The following CMTM2 variants were observed in gnomAD, a reference collection of about 807,000 sequenced individuals.
The protein encoded by CMTM2 is CKLF like MARVEL transmembrane domain containing 2, also known as CKLF-like MARVEL transmembrane domain-containing protein 2.
A neutral mutation model predicts 16.8 loss-of-function variants in CMTM2; 15 were observed. The observed-to-expected ratio is 0.89, with a 90% CI of 0.60 to 1.37. CMTM2 has a LOEUF of 1.37. CMTM2 is among the 40% of genes most tolerant of loss of function. The pLI is 0.00. For synonymous variants in CMTM2, 117 were observed against 118.7 expected, an observed-to-expected ratio of 0.99 and a Z score of 0.09; for missense variants, 282 against 318.0, an observed-to-expected ratio of 0.89 and a Z score of 0.86.
intron 2 of CMTM2, among the ~76,000 whole-genome samples, chr16:66,585,686 T>A (rs371043626): frequency 2.0e-5 from 3 of 152,226 alleles, no homozygotes; most frequent in African/African-American, 7.2e-5. Flanking sequence ...GACTTCTTGT[T>A]TTCAAAGAGG....
At chr16:66,585,193 G>T (rs1269925191) in intron 2 of CMTM2, among the ~76,000 whole-genome samples, 2 of 152,146 alleles carry the variant, frequency 1.3e-5, no homozygotes, top group Non-Finnish European at 2.9e-5. Context: ...TGATCCGCCC[G>T]CCTCAGCCTC....
intron 3 of CMTM2, 83 bp from the exon 4 acceptor site, chr16:66,587,836 C>T (rs947105421): frequency 1.5e-6 from 2 of 1,376,870 alleles, no homozygotes; most frequent in Admixed American, 1.8e-5. Context: ...AAACAGCACC[C>T]CCTGATGAAT....
At chr16:66,580,280 C>G in intron 2 of CMTM2, 96 bp downstream of exon 2, 1 of 1,324,352 alleles carries the variant, frequency 7.6e-7, no homozygotes. Context: ...CACACCTCAC[C>G]TCCCATATCT....
In CMTM2 at chr16:66,580,195, G is replaced by A. The variant is rs748608792; in HGVS notation, c.444+11G>A. On this transcript the variant is annotated intron_variant, in intron 2 of 3. Coordinates refer to ENST00000268595, the MANE Select transcript of CMTM2 (RefSeq NM_144673.3). ...CTGTGGCCCATTTCTGTAAGTAAGGGGTGATGGGGAGTGCCTGCATCCAGA... is the reference window on the plus strand; with the variant it reads ...CTGTGGCCCATTTCTGTAAGTAAGGAGTGATGGGGAGTGCCTGCATCCAGA... 36 of 1,613,792 alleles carry A rather than the reference G, an allele frequency of 2.2e-5. No individual in the cohort carries two copies. Among genetic ancestry groups the A allele is most frequent in the East Asian group, 6.7e-5 (3 of 44,892 alleles).
At chr16:66,580,420 C>T in intron 2 of CMTM2, 1 of 533,372 alleles carries the variant, frequency 1.9e-6, no homozygotes, top group Non-Finnish European at 3.3e-6. Context: ...GGAACTCTTA[C>T]TTACCTGGTG....
intron 2 of CMTM2, among the ~76,000 whole-genome samples, chr16:66,585,193 G>C (rs1269925191): frequency 6.6e-6 from 1 of 152,146 alleles, no homozygotes; most frequent in South Asian, 2.1e-4. Context: ...TGATCCGCCC[G>C]CCTCAGCCTC....
At chr16:66,581,681 C>G (rs2014737172) in intron 2 of CMTM2, among the ~76,000 whole-genome samples, 1 of 152,232 alleles carries the variant, frequency 6.6e-6, no homozygotes. Context: ...AAGACACATA[C>G]CCTTCTTATT....
At position 66,579,808 on chromosome 16, in the gene CMTM2, G is replaced by A; in HGVS notation, c.201G>A (p.Gly67=). ...QPKHEVGTRR[G]CRRYRWELKD... ...AGCACGAAGTGGGCACGAGGAGGGG[G>A]TGTCGCCGCTACCGGTGGGAATTAA... Residue 67 remains glycine (G), a synonymous_variant, in exon 1 of 4, where the codon GGG becomes GGA. Transcript: ENST00000268595. This position sits in a 1 kb window ranked among gnomAD's most constrained non-coding sequence, Gnocchi z 6.5. 7.4e-6 allele frequency: 12 copies of A among 1,613,842 alleles called. No individual in the cohort carries two copies. Among genetic ancestry groups the A allele is most frequent in the Non-Finnish European group, 9.3e-6 (11 of 1,180,016 alleles).
chr16:66,586,967 G>A (rs200784646), intron 2 of CMTM2, 30 bp from the exon 3 acceptor site: 1 of 1,552,120 alleles, frequency 6.4e-7, no homozygotes, highest in African/African-American at 1.4e-5. Context: ...CCTGGCTTTG[G>A]CTGAGGCTGA....
Position 66,587,090 on chromosome 16 carries a change from C to T in CMTM2, c.538C>T (p.Leu180Phe), listed in dbSNP as rs2144706478. ...SRRSMNLHYL[L>F]AVILIGAAGV... ...GCGATCCATGAATCTCCACTACTTA[C>T]TTGCTGTGGTGAGTCTTTCCATGCT... Residue 180 changes from leucine to phenylalanine, a missense_variant, in exon 3 of 4, where the codon CTT becomes TTT. Physicochemically the swap from Leu to Phe is conservative, Grantham distance 22. Coordinates refer to ENST00000268595, the MANE Select transcript of CMTM2 (RefSeq NM_144673.3). 6.2e-7 allele frequency: 1 copy of T among 1,612,380 alleles called. No individual in the cohort carries two copies. The highest frequency in any genetic ancestry group is 8.5e-7 in the Non-Finnish European group (1 of 1,178,358).
chr16:66,585,645 C>T (rs1019332779), intron 2 of CMTM2, among the ~76,000 whole-genome samples: 5 of 152,012 alleles, frequency 3.3e-5, no homozygotes, highest in Non-Finnish European at 4.4e-5. Context: ...GGGAAGGAAG[C>T]GAGGGGGCTG....
At chr16:66,580,974 A>G (rs1357981484) in intron 2 of CMTM2, among the ~76,000 whole-genome samples, 2 of 152,120 alleles carry the variant, frequency 1.3e-5, no homozygotes, top group African/African-American at 4.8e-5. Flanking sequence ...GCACATTCAC[A>G]GCCTGCCTCC....
Position 66,579,755 on chromosome 16 carries a change from G to GGC in CMTM2, c.148_149insGC (p.Asp50GlyfsTer27). 2 of 1,614,040 alleles carry GGC rather than the reference G, an allele frequency of 1.2e-6. No individual in the cohort carries two copies. Among genetic ancestry groups the GGC allele is most frequent in the Non-Finnish European group, 1.7e-6 (2 of 1,179,986 alleles). On this transcript the variant is annotated frameshift_variant, in exon 1 of 4. Transcript: ENST00000268595. LOFTEE classifies it high-confidence loss of function. The surrounding 1 kb of genome is among the most constrained non-coding windows in gnomAD (Gnocchi z 6.5). ...GGTGCAGGACCATAAGGAGCCATCG[G>GGC]ACAAACCTCAAAAGGCGGTGCAGCC...
Position 66,587,043 on chromosome 16 carries a change from T to TG in CMTM2, c.493dup (p.Val165GlyfsTer131). 2.5e-6 allele frequency: 4 copies of TG among 1,614,124 alleles called. No individual in the cohort carries two copies. Among genetic ancestry groups the TG allele is most frequent in the Non-Finnish European group, 3.4e-6 (4 of 1,180,022 alleles). On this transcript the variant is annotated frameshift_variant, in exon 3 of 4. Coordinates refer to ENST00000268595, the MANE Select transcript of CMTM2 (RefSeq NM_144673.3). LOFTEE classifies it high-confidence loss of function. Reference sequence around the variant, plus strand: ...GCTTGTGCGTTCCTTGTGGGAGCCGTGGTCTTTGCTGTGAGAAGTCGGCGA... The same window carrying TG: ...GCTTGTGCGTTCCTTGTGGGAGCCGTGGGTCTTTGCTGTGAGAAGTCGGCGA...
In CMTM2 at chr16:66,579,887, A is replaced by G; in HGVS notation, c.280A>G (p.Ser94Gly). ...GGGGCACGCTGAGATCAAGATTCGG[A>G]GTTTGGTGAGCTAAACTGGTATCCC... ...LLGHAEIKIR[S>G]LGCLIAAMIL... The change falls in exon 1 of 4, where the codon AGT becomes GGT. Residue 94 changes from serine to glycine, a missense_variant. By Grantham distance (56) the Ser-to-Gly change is moderately conservative. Transcript: ENST00000268595. The surrounding 1 kb of genome is among the most constrained non-coding windows in gnomAD (Gnocchi z 6.5). 3.8e-6 allele frequency: 5 copies of G among 1,316,080 alleles called. No homozygotes were observed. Among genetic ancestry groups the G allele is most frequent in the Non-Finnish European group, 5.2e-6 (5 of 966,294 alleles). The allele number at this position is 1,316,080 out of a possible 1,614,324, so 81.5% of individuals were successfully genotyped here. A position where few individuals can be genotyped will look rare whatever the true frequency, so the allele number is the denominator to read the frequency against.
At position 66,580,023 on chromosome 16, in the gene CMTM2, C is replaced by A; in HGVS notation, c.286-3C>A. The A allele has an allele frequency of 6.2e-7, 1 of 1,614,116 alleles. No individual in the cohort carries two copies. The highest frequency in any genetic ancestry group is 8.5e-7 in the Non-Finnish European group (1 of 1,180,008). ...TGGCTCAGGTGTCTATGTCTCACTG[C>A]AGGGCTGCCTAATAGCTGCAATGAT... On this transcript the variant is annotated splice_polypyrimidine_tract_variant and splice_region_variant and intron_variant, in intron 1 of 3. Coordinates refer to ENST00000268595, the MANE Select transcript of CMTM2 (RefSeq NM_144673.3).
chr16:66,585,912 G>A (rs1567384657), intron 2 of CMTM2, among the ~76,000 whole-genome samples: 2 of 152,210 alleles, frequency 1.3e-5, no homozygotes, highest in African/African-American at 4.8e-5. Context: ...GGGATGGCAG[G>A]TGTCTTCCAG....
intron 2 of CMTM2, among the ~76,000 whole-genome samples, chr16:66,584,361 C>G (rs2014767903): frequency 6.6e-6 from 1 of 152,088 alleles, no homozygotes; most frequent in Non-Finnish European, 1.5e-5. Context: ...GCAGAGAATT[C>G]TCTCTCCCGC....
At position 66,588,199 on chromosome 16, in the gene CMTM2, T is replaced by C; in HGVS notation, c.*80T>C. The C allele has an allele frequency of 7.5e-7, 1 of 1,333,872 alleles. No homozygotes were observed. Among genetic ancestry groups the C allele is most frequent in the Non-Finnish European group, 1.0e-6 (1 of 958,274 alleles). 82.6% of individuals were successfully genotyped at this position (1,333,872 alleles called of 1,614,324 possible). A position where few individuals can be genotyped will look rare whatever the true frequency, so the allele number is the denominator to read the frequency against. On this transcript the variant is annotated 3_prime_UTR_variant, in exon 4 of 4. Transcript: ENST00000268595. ...TCCACTCTCTTCCTTGTCTTCTTTC[T>C]GGAATGGTTTTCTTTTCCATTTTCA...
Sources: gnomAD v4.1 joint callset for allele counts (sites outside exome capture counted in the v4.1 genomes callset) on GRCh38, gnomAD v4.1.1 for gene constraint, Gnocchi (gnomAD v3.1) non-coding constraint, MANE v1.5 for transcripts, NCBI Gene and HGNC (gene_info 2026-07-23, HGNC 2026-07-21) for gene names.